TLE7: variants seen among roughly 807,000 people sequenced by gnomAD.
TLE7 encodes the protein transducin-like enhancer protein 7.
intron 1 of TLE7, among the ~76,000 whole-genome samples, chr16:71,438,866 G>A (rs751787340): frequency 6.6e-6 from 1 of 152,154 alleles, no homozygotes; most frequent in African/African-American, 2.4e-5. Flanking sequence ...TTGAGCTCAG[G>A]ATGTGCCATA....
At chr16:71,434,971 A>G (rs2042820637) in intron 1 of TLE7, among the ~76,000 whole-genome samples, 1 of 152,266 alleles carries the variant, frequency 6.6e-6, no homozygotes, top group Non-Finnish European at 1.5e-5. Flanking sequence ...ATTGTTTGTT[A>G]TAACCTTTGC....
rs1180977593 is a variant in TLE7, at chr16:71,431,291, G to A, written c.994-17C>T. The A allele has an allele frequency of 1.0e-5, 4 of 399,384 alleles. No individual in the cohort carries two copies. In the East Asian group the frequency reaches 1.4e-4, roughly 14 times the overall value. 24.7% of individuals were successfully genotyped at this position (399,384 alleles called of 1,614,324 possible). ...GCTGAGGATCTGTTCGTGGAAGCAG[G>A]TTTGAGGTCAGCACTCAAAGTTGCC... On this transcript the variant is annotated splice_polypyrimidine_tract_variant and intron_variant, in intron 7 of 9. Coordinates refer to ENST00000561754, the MANE Select transcript of TLE7 (RefSeq NM_001367365.2). This position sits in a 1 kb window ranked among gnomAD's most constrained non-coding sequence, Gnocchi z 4.5.
intron 1 of TLE7, among the ~76,000 whole-genome samples, chr16:71,439,577 G>A (rs59823091): frequency 0.02 from 3,094 of 152,010 alleles, 94 homozygotes; most frequent in African/African-American, 0.07. Context: ...GGGGGGAAGG[G>A]ACAAGACTGG....
At position 71,431,382 on chromosome 16, in the gene TLE7, C is replaced by T; in HGVS notation, c.993+39G>A. The T allele has an allele frequency of 2.5e-6, 1 of 400,216 alleles. No individual in the cohort carries two copies. Among genetic ancestry groups the T allele is most frequent in the East Asian group, 3.6e-5 (1 of 28,070 alleles). The allele number at this position is 400,216 out of a possible 1,614,324, so 24.8% of individuals were successfully genotyped here. On this transcript the variant is annotated intron_variant, in intron 7 of 9. Coordinates refer to ENST00000561754, the MANE Select transcript of TLE7 (RefSeq NM_001367365.2). This position sits in a 1 kb window ranked among gnomAD's most constrained non-coding sequence, Gnocchi z 4.5. Reference sequence around the variant, plus strand: ...ACCCCTGCCTCCATGCATGGCTCCACTACAGGTGGCATTCTGCCAGTGGTG... The same window carrying T: ...ACCCCTGCCTCCATGCATGGCTCCATTACAGGTGGCATTCTGCCAGTGGTG...
intron 1 of TLE7, among the ~76,000 whole-genome samples, chr16:71,439,839 C>G (rs527937224): frequency 6.6e-6 from 1 of 152,298 alleles, no homozygotes; most frequent in East Asian, 1.9e-4. Flanking sequence ...ACATGTGACC[C>G]AGCAGCTCCA....
At chr16:71,433,899 A>G (rs1281588696) in intron 1 of TLE7, among the ~76,000 whole-genome samples, 2 of 152,216 alleles carry the variant, frequency 1.3e-5, no homozygotes, top group Non-Finnish European at 2.9e-5. Context: ...CGGAGGTTGC[A>G]CTGAGGTGAG....
In TLE7 at chr16:71,431,093, C is replaced by T. The variant is rs957807307; in HGVS notation, c.1147+28G>A. 7.5e-6 allele frequency: 3 copies of T among 400,632 alleles called. No individual in the cohort carries two copies. Among genetic ancestry groups the T allele is most frequent in the Non-Finnish European group, 8.8e-6 (2 of 226,256 alleles). The allele number at this position is 400,632 out of a possible 1,614,324, so 24.8% of individuals were successfully genotyped here. A position where few individuals can be genotyped will look rare whatever the true frequency, so the allele number is the denominator to read the frequency against. ...GACAGCAAGTTCAAAATCGGACACC[C>T]AGAGGTGTCACCTGGCTTCTCACTC... On this transcript the variant is annotated intron_variant, in intron 8 of 9. Coordinates refer to ENST00000561754, the MANE Select transcript of TLE7 (RefSeq NM_001367365.2). The surrounding 1 kb of genome is among the most constrained non-coding windows in gnomAD (Gnocchi z 4.5).
chr16:71,437,464 G>T (rs2042830923), intron 1 of TLE7, among the ~76,000 whole-genome samples: 1 of 110,870 alleles, frequency 9.0e-6, no homozygotes, highest in Admixed American at 8.0e-5. Context: ...AGAGAAGGGA[G>T]AAGAGAAGAG....
At chr16:71,439,869 A>C (rs947181365) in intron 1 of TLE7, among the ~76,000 whole-genome samples, 1 of 152,228 alleles carries the variant, frequency 6.6e-6, no homozygotes, top group African/African-American at 2.4e-5. Flanking sequence ...ATATGCCCCC[A>C]AAAATGGAAA....
chr16:71,438,989 T>G (rs1346205223), intron 1 of TLE7, among the ~76,000 whole-genome samples: 3 of 152,096 alleles, frequency 2.0e-5, no homozygotes, highest in Non-Finnish European at 4.4e-5. Flanking sequence ...ATGATAGTAA[T>G]CAAACACACC....
chr16:71,437,350 GAAAAAAA>G (rs57942255), intron 1 of TLE7, among the ~76,000 whole-genome samples: 2 of 89,666 alleles, frequency 2.2e-5, no homozygotes, highest in African/African-American at 7.6e-5. Flanking sequence ...CTCTGTCTCA[GAAAAAAA>G]AAAAAAAAAA....
In TLE7 at chr16:71,431,260, G is replaced by A; in HGVS notation, c.1008C>T (p.Thr336=). ...HNLQNEILSI[T]HDPGEEWVLA... ...ATACCCATTCTTCACCGGGGTCGTGGGTAATGCTGAGGATCTGTTCGTGGA... is the reference window on the plus strand; with the variant it reads ...ATACCCATTCTTCACCGGGGTCGTGAGTAATGCTGAGGATCTGTTCGTGGA... The change falls in exon 8 of 10, where the codon ACC becomes ACT. Residue 336 remains threonine (T), a synonymous_variant. Coordinates refer to ENST00000561754, the MANE Select transcript of TLE7 (RefSeq NM_001367365.2). The surrounding 1 kb of genome is among the most constrained non-coding windows in gnomAD (Gnocchi z 4.5). 2.5e-6 allele frequency: 1 copy of A among 400,030 alleles called. No homozygotes were observed. The allele number at this position is 400,030 out of a possible 1,614,324, so 24.8% of individuals were successfully genotyped here. A position where few individuals can be genotyped will look rare whatever the true frequency, so the allele number is the denominator to read the frequency against.
chr16:71,437,996 G>A (rs1476806747), intron 1 of TLE7, among the ~76,000 whole-genome samples: 6 of 152,126 alleles, frequency 3.9e-5, no homozygotes, highest in Admixed American at 1.3e-4. Flanking sequence ...TGGATCTCAC[G>A]CAGGAAGGAA....
intron 1 of TLE7, among the ~76,000 whole-genome samples, chr16:71,437,552 T>C (rs2042831405): frequency 7.8e-6 from 1 of 128,472 alleles, no homozygotes; most frequent in South Asian, 2.4e-4. Flanking sequence ...TCCCGATGTG[T>C]TGGTGATGCT....
chr16:71,434,177 T>C (rs944681535), intron 1 of TLE7, among the ~76,000 whole-genome samples: 1 of 152,146 alleles, frequency 6.6e-6, no homozygotes, highest in African/African-American at 2.4e-5. Flanking sequence ...AGGTGATTAC[T>C]ATTTCCTACC....
intron 1 of TLE7, among the ~76,000 whole-genome samples, chr16:71,437,371 A>T (rs1302869644): frequency 6.6e-6 from 1 of 151,296 alleles, no homozygotes; most frequent in African/African-American, 2.4e-5. Context: ...AAAAAAAGGA[A>T]AAGAAAGGGA....
rs2042801299 is a variant in TLE7, at chr16:71,431,157, A to G, written c.1111T>C (p.Tyr371His). ...NEQFKALMKK[Y>H]TRHHSLKFAS... is the part of the protein sequence containing the mutation. ...AACTTGAGGCTGTGGTGGCGGGTGT[A>G]TTTTTTCATGAGAGCCTTAAACTGC... Residue 371 changes from tyrosine to histidine, a missense_variant, in exon 8 of 10, where the codon TAC (tyrosine) becomes CAC (histidine). Coordinates refer to ENST00000561754, the MANE Select transcript of TLE7 (RefSeq NM_001367365.2). This position sits in a 1 kb window ranked among gnomAD's most constrained non-coding sequence, Gnocchi z 4.5. 1 of 400,594 alleles carries G rather than the reference A, an allele frequency of 2.5e-6. No homozygotes were observed. Among genetic ancestry groups the G allele is most frequent in the Non-Finnish European group, 4.4e-6 (1 of 226,204 alleles). 24.8% of individuals were successfully genotyped at this position (400,594 alleles called of 1,614,324 possible).
chr16:71,438,111 C>T (rs2042833215), intron 1 of TLE7, among the ~76,000 whole-genome samples: 1 of 152,178 alleles, frequency 6.6e-6, no homozygotes, highest in Non-Finnish European at 1.5e-5. Context: ...AACACACCAT[C>T]TTCTGTTAGT....
intron 1 of TLE7, among the ~76,000 whole-genome samples, chr16:71,436,895 CTTG>C (rs2042828397): frequency 6.6e-6 from 1 of 152,182 alleles, no homozygotes. Flanking sequence ...CCCTGGAGGC[CTTG>C]TTAAAAGTGT....
Sources: gnomAD v4.1 joint callset for allele counts (sites outside exome capture counted in the v4.1 genomes callset) on GRCh38, gnomAD v4.1.1 for gene constraint, Gnocchi (gnomAD v3.1) non-coding constraint, MANE v1.5 for transcripts, NCBI Gene and HGNC (gene_info 2026-07-23, HGNC 2026-07-21) for gene names.